PALM2AKAP2: variants seen among roughly 807,000 people sequenced by gnomAD.
PALM2AKAP2 encodes PALM2-AKAP2 fusion protein.
PALM2AKAP2 carries 37 observed loss-of-function variants against 71.5 expected under a neutral mutation model. That is an observed-to-expected ratio of 0.52 (90% CI 0.40 to 0.68). The LOEUF is 0.68. Among genes scored for constraint, PALM2AKAP2 ranks in the 30% least tolerant of loss-of-function variants. The pLI, the probability that PALM2AKAP2 is intolerant of heterozygous loss-of-function variation, is 0.00. For synonymous variants in PALM2AKAP2, 468 were observed against 478.8 expected (o/e 0.98, Z 0.29); for missense variants, 1,224 against 1,191.8 (o/e 1.03, Z -0.40).
chr9:109,966,243 C>T (rs1403946871), intron 6 of PALM2AKAP2, among the ~76,000 whole-genome samples: 1 of 152,110 alleles, frequency 6.6e-6, no homozygotes, highest in African/African-American at 2.4e-5. Flanking sequence ...GCAGCCAGGG[C>T]AGTGTTGCAC....
intron 1 of PALM2AKAP2, among the ~76,000 whole-genome samples, chr9:110,069,656 A>G (rs946083183): frequency 6.6e-6 from 1 of 152,180 alleles, no homozygotes; most frequent in Non-Finnish European, 1.5e-5. Flanking sequence ...TCTTAACTCT[A>G]AAACCCTGGG....
chr9:109,651,501 A>G (rs1016713226), intron 1 of PALM2AKAP2, among the ~76,000 whole-genome samples: 1 of 152,138 alleles, frequency 6.6e-6, no homozygotes, highest in Admixed American at 6.6e-5. Context: ...TCAATTATCC[A>G]GTTGGAGTAT....
upstream of PALM2AKAP2, among the ~76,000 whole-genome samples, chr9:110,044,095 G>A (rs1249853774): frequency 2.0e-4 from 30 of 152,012 alleles, no homozygotes; most frequent in Admixed American, 2.0e-3. Context: ...CTTCACATAT[G>A]AGGAGTAGTA....
At chr9:109,832,829 G>A (rs952443058) in intron 1 of PALM2AKAP2, among the ~76,000 whole-genome samples, 1 of 152,128 alleles carries the variant, frequency 6.6e-6, no homozygotes. Flanking sequence ...GCAAATCTCT[G>A]AGCCCCACCC....
At chr9:109,961,869 T>C (rs2132119170) in intron 6 of PALM2AKAP2, among the ~76,000 whole-genome samples, 1 of 152,348 alleles carries the variant, frequency 6.6e-6, no homozygotes, top group Non-Finnish European at 1.5e-5. Context: ...CTGTGGGTAC[T>C]AATGAAAAGG....
At chr9:110,142,277 C>G (rs1836053813) in intron 2 of PALM2AKAP2, among the ~76,000 whole-genome samples, 1 of 151,876 alleles carries the variant, frequency 6.6e-6, no homozygotes. Context: ...TTAGTAGAGA[C>G]AGAGTTTCAT....
rs146762711 is a variant in PALM2AKAP2 at position 109,821,566 on chromosome 9, G to A, written c.45+41033G>A. On this transcript the variant is annotated intron_variant, in intron 1 of 9. Coordinates refer to the PALM2AKAP2 transcript ENST00000302798. ...TGTTCTGTGTTAGAGAATATTTGAA[G>A]TGGTGGGAATATAGTGGTGAGAAAG... 3.9e-5 allele frequency among the ~76,000 whole-genome samples: 6 copies of A among 152,312 alleles called. No individual in the cohort carries two copies. The East Asian group carries it at 1.2e-3, about 29-fold the overall frequency.
At chr9:109,801,618 G>A (rs554780488) in intron 1 of PALM2AKAP2, among the ~76,000 whole-genome samples, 7 of 152,310 alleles carry the variant, frequency 4.6e-5, no homozygotes, top group African/African-American at 1.7e-4. Flanking sequence ...GGGCTTTAAA[G>A]CCAGGACTCC....
At chr9:109,988,979 A>G (rs1832427005) in intron 6 of PALM2AKAP2, among the ~76,000 whole-genome samples, 1 of 152,128 alleles carries the variant, frequency 6.6e-6, no homozygotes, top group African/African-American at 2.4e-5. Flanking sequence ...GTCTGCCTCC[A>G]TGTAAGATGT....
At chr9:109,715,586 C>T (rs553010981) in intron 1 of PALM2AKAP2, among the ~76,000 whole-genome samples, 131 of 152,340 alleles carry the variant, frequency 8.6e-4, no homozygotes, top group African/African-American at 3.0e-3. Context: ...CCCAGCCCAG[C>T]CCCTGCCTTA....
At chr9:110,063,715 A>T (rs138254423) in intron 1 of PALM2AKAP2, among the ~76,000 whole-genome samples, 2,179 of 152,230 alleles carry the variant, frequency 0.014, 29 homozygotes, top group Non-Finnish European at 0.018. Context: ...AACTGCTGGG[A>T]TTACAGGCGT....
chr9:109,649,047 C>T (rs910726607), intron 1 of PALM2AKAP2, among the ~76,000 whole-genome samples: 3 of 151,980 alleles, frequency 2.0e-5, no homozygotes, highest in Non-Finnish European at 2.9e-5. Context: ...CCATCCCTCC[C>T]ACTCCTGCAA....
At chr9:109,901,077 A>C (rs1225651801) in intron 3 of PALM2AKAP2, among the ~76,000 whole-genome samples, 1 of 152,242 alleles carries the variant, frequency 6.6e-6, no homozygotes, top group Non-Finnish European at 1.5e-5. Context: ...ATTAGGTGGA[A>C]CCAGACTGGA....
Position 109,643,832 on chromosome 9 carries a change from G to T in PALM2AKAP2, c.5+2966G>T, listed in dbSNP as rs150837343. Among the ~76,000 whole-genome samples, 836 of 152,272 alleles carry T rather than the reference G, an allele frequency of 5.5e-3. 8 individuals carry two copies. The highest frequency in any genetic ancestry group is 0.021 in the South Asian group (103 of 4,820). On this transcript the variant is annotated intron_variant, in intron 1 of 6. Transcript: ENST00000374531. ...AAATACCTGAGACAGGGTAATTTAT[G>T]AAGAAAAGAGCTTTAATTGGCTGAT... is the stretch of plus-strand genomic sequence containing the variant.
chr9:110,138,202 GC>G lies in PALM2AKAP2; in HGVS notation c.2239del (p.Gln747SerfsTer33), dbSNP rs376237093. On this transcript the variant is annotated frameshift_variant, in exon 2 of 4. Transcript: ENST00000374525. LOFTEE classifies it high-confidence loss of function. ...AAGACAGGGCGCTCAGGGAAAGGGG[GC>G]CCCCCCAGCCACTGCCAGCTGTGCA... The G allele has an allele frequency of 1.9e-6, 3 of 1,611,208 alleles. No individual in the cohort carries two copies. Among genetic ancestry groups the G allele is most frequent in the Non-Finnish European group, 1.7e-6 (2 of 1,179,200 alleles).
chr9:110,050,085 T>C (rs1265790540), intron 1 of PALM2AKAP2, among the ~76,000 whole-genome samples: 1 of 152,246 alleles, frequency 6.6e-6, no homozygotes, highest in Admixed American at 6.5e-5. Flanking sequence ...CCCTTCCCCG[T>C]AGCAGTTTTA....
At chr9:109,882,644 G>A (rs1829879117) in intron 3 of PALM2AKAP2, among the ~76,000 whole-genome samples, 1 of 151,548 alleles carries the variant, frequency 6.6e-6, no homozygotes, top group Non-Finnish European at 1.5e-5. Context: ...TTTTCTTTTT[G>A]TTTCTTTTTT....
At chr9:109,707,370 C>A (rs1427672437) in intron 1 of PALM2AKAP2, among the ~76,000 whole-genome samples, 1 of 152,046 alleles carries the variant, frequency 6.6e-6, no homozygotes, top group Non-Finnish European at 1.5e-5. Context: ...TTAGAGGCCC[C>A]CACCCTGCCC....
chr9:110,075,486 A>G (rs1834300205), intron 1 of PALM2AKAP2, among the ~76,000 whole-genome samples: 1 of 152,204 alleles, frequency 6.6e-6, no homozygotes. Context: ...AAGAAAAGAA[A>G]ACTCAATCCA....
Sources: allele counts gnomAD v4.1 joint callset (sites outside exome capture counted in the v4.1 genomes callset), GRCh38; gene constraint gnomAD v4.1.1; transcripts MANE v1.5; gene names NCBI Gene and HGNC (gene_info 2026-07-23, HGNC 2026-07-21).